The following STX16 variants were observed in gnomAD, a reference collection of about 807,000 sequenced individuals.
STX16 encodes syntaxin 16, also known as syntaxin-16.
Under a neutral mutation model 42.7 loss-of-function variants are expected in STX16, and 28 were observed. That is an observed-to-expected ratio of 0.66 (90% CI 0.49 to 0.90). STX16 has a LOEUF of 0.90. STX16 is among the 40% of genes least tolerant of loss of function. The pLI, the probability that STX16 is intolerant of heterozygous loss-of-function variation, is 0.00. For synonymous variants in STX16, 156 were observed against 155.2 expected (o/e 1.00, Z -0.04); for missense variants, 361 against 420.9 (o/e 0.86, Z 1.24).
Position 58,666,491 on chromosome 20 carries a change from C to T in STX16, c.145-999C>T, listed in dbSNP as rs569120502. ...TTGCCCTGGCTGGAGTGCAATGGTA[C>T]GATCATGGCTCACTGCGACCTTCGC... On this transcript the variant is annotated intron_variant, in intron 2 of 8. Transcript: ENST00000371141. 1.1e-4 allele frequency among the ~76,000 whole-genome samples: 16 copies of T among 144,940 alleles called. 1 individual carries two copies. The South Asian group carries it at 2.2e-3, about 20-fold the overall frequency.
rs2084183554 is a variant in STX16, at chr20:58,678,255, G to C, written c.*1964G>C. ...CCTGAAGGAAAGTGACCCTTTAAGA[G>C]AGGATCATCTTTTTTTATATTTATT... is the stretch of plus-strand genomic sequence containing the variant. On this transcript the variant is annotated 3_prime_UTR_variant, in exon 9 of 9. Transcript: ENST00000371141. The C allele has an allele frequency of 6.6e-6, 1 of 152,222 alleles. No homozygotes were observed. Among genetic ancestry groups the C allele is most frequent in the Non-Finnish European group, 1.5e-5 (1 of 68,042 alleles). 9.4% of individuals were successfully genotyped at this position (152,222 alleles called of 1,614,324 possible).
chr20:58,655,333 A>T (rs888893897), intron 1 of STX16, among the ~76,000 whole-genome samples: 2 of 152,166 alleles, frequency 1.3e-5, no homozygotes, highest in Non-Finnish European at 2.9e-5. Context: ...AAATTTAAAC[A>T]TGCATTTTTT....
chr20:58,670,949 A>G (rs2083955083), intron 6 of STX16, among the ~76,000 whole-genome samples: 1 of 152,234 alleles, frequency 6.6e-6, no homozygotes, highest in African/African-American at 2.4e-5. Context: ...CTATGGCCTC[A>G]GAGCTTTAGA....
At chr20:58,653,675 A>T (rs972387837) in intron 1 of STX16, among the ~76,000 whole-genome samples, 1 of 152,244 alleles carries the variant, frequency 6.6e-6, no homozygotes, top group African/African-American at 2.4e-5. Context: ...ATGGAACTTC[A>T]GTAATGTTAA....
At chr20:58,671,426 A>ATG (rs1367832614) in intron 7 of STX16, 129 bp downstream of exon 7, 14 of 476,890 alleles carry the variant, frequency 2.9e-5, no homozygotes, top group East Asian at 2.4e-4. Context: ...CCTGTCCTTT[A>ATG]TGTGTGTGTG....
chr20:58,651,396 GA>G lies in STX16; in HGVS notation c.-608del. Reference sequence around the variant, plus strand: ...GGCAGTGGAGGACCAGGCCGTCCAGGAAAGGAAGGGGTCAGGAGGTCGGGCA... The same window carrying G: ...GGCAGTGGAGGACCAGGCCGTCCAGGAAGGAAGGGGTCAGGAGGTCGGGCA... On this transcript the variant is annotated 5_prime_UTR_variant, in exon 1 of 9. Transcript: ENST00000371141. The G allele has an allele frequency of 6.5e-6, 1 of 153,334 alleles. No homozygotes were observed. The highest frequency in any genetic ancestry group is 1.5e-5 in the Non-Finnish European group (1 of 68,748). 9.5% of individuals were successfully genotyped at this position (153,334 alleles called of 1,614,324 possible).
rs969179380 is a variant in STX16, at chr20:58,677,420, A to C, written c.*1129A>C. The C allele has an allele frequency of 2.6e-5, 4 of 152,610 alleles. No individual in the cohort carries two copies. The highest frequency in any genetic ancestry group is 9.6e-5 in the African/African-American group (4 of 41,458). The allele number at this position is 152,610 out of a possible 1,614,324, so 9.5% of individuals were successfully genotyped here. A position where few individuals can be genotyped will look rare whatever the true frequency, so the allele number is the denominator to read the frequency against. ...ATTGCCAAGGACTGGGGGCATCTTGACTAGGAAGCTCCTCGTTTGTGTGAG... is the reference window on the plus strand; with the variant it reads ...ATTGCCAAGGACTGGGGGCATCTTGCCTAGGAAGCTCCTCGTTTGTGTGAG... On this transcript the variant is annotated 3_prime_UTR_variant, in exon 9 of 9. Coordinates refer to ENST00000371141, the MANE Select transcript of STX16 (RefSeq NM_001001433.3).
intron 2 of STX16, among the ~76,000 whole-genome samples, chr20:58,662,258 C>G (rs916309756): frequency 9.2e-5 from 14 of 152,174 alleles, no homozygotes; most frequent in Non-Finnish European, 1.5e-4. Flanking sequence ...TGGGCCGGGC[C>G]CCAGTGTCCA....
At chr20:58,652,432 TA>T in intron 1 of STX16, 1 of 457,938 alleles carries the variant, frequency 2.2e-6, no homozygotes, top group Non-Finnish European at 4.0e-6. Context: ...GTAATTTACA[TA>T]TGTTTTAACG....
intron 1 of STX16, among the ~76,000 whole-genome samples, chr20:58,658,995 C>A (rs2083639024): frequency 6.6e-6 from 1 of 152,176 alleles, no homozygotes; most frequent in Non-Finnish European, 1.5e-5. Context: ...GTGTCTCTCT[C>A]CGGGAAAGAG....
chr20:58,661,199 G>T (rs2083690957), intron 2 of STX16, among the ~76,000 whole-genome samples: 1 of 152,184 alleles, frequency 6.6e-6, no homozygotes, highest in Non-Finnish European at 1.5e-5. Context: ...ACAAATTATG[G>T]AACCACTTAG....
rs1185067000 is a variant in STX16 at position 58,679,481 on chromosome 20, A to G, written c.*3190A>G. On this transcript the variant is annotated 3_prime_UTR_variant, in exon 9 of 9. Transcript: ENST00000371141. Reference sequence around the variant, plus strand: ...TGGAAACTTTTTGTACAATAAAGCAATCACGCAGATTAAAGAACATCCTGC... The same window carrying G: ...TGGAAACTTTTTGTACAATAAAGCAGTCACGCAGATTAAAGAACATCCTGC... The G allele has an allele frequency of 6.6e-6, 1 of 152,638 alleles. No individual in the cohort carries two copies. Among genetic ancestry groups the G allele is most frequent in the Non-Finnish European group, 1.5e-5 (1 of 68,026 alleles). The allele number at this position is 152,638 out of a possible 1,614,324, so 9.5% of individuals were successfully genotyped here.
At position 58,651,810 on chromosome 20, in the gene STX16, G is replaced by A. The variant is rs1006522264; in HGVS notation, c.-197G>A. 24 of 580,416 alleles carry A rather than the reference G, an allele frequency of 4.1e-5. No homozygotes were observed. The South Asian group carries it at 4.2e-4, about 10-fold the overall frequency. 36.0% of individuals were successfully genotyped at this position (580,416 alleles called of 1,614,324 possible). On this transcript the variant is annotated 5_prime_UTR_variant, in exon 1 of 9. Coordinates refer to ENST00000371141, the MANE Select transcript of STX16 (RefSeq NM_001001433.3). ...GTAGGGGGAGTCAGACAATTGGAAAGCCTAGGTAGTTATTTGGGGAGGGGT... is the reference window on the plus strand; with the variant it reads ...GTAGGGGGAGTCAGACAATTGGAAAACCTAGGTAGTTATTTGGGGAGGGGT...
At chr20:58,652,385 AC>A (rs1325078409) in intron 1 of STX16, 9 of 374,178 alleles carry the variant, frequency 2.4e-5, no homozygotes, top group African/African-American at 4.4e-5. Flanking sequence ...CCCCCCCCGC[AC>A]CCCCCGCCTT....
At chr20:58,666,824 G>A (rs1295066954) in intron 2 of STX16, among the ~76,000 whole-genome samples, 2 of 152,228 alleles carry the variant, frequency 1.3e-5, no homozygotes, top group African/African-American at 4.8e-5. Context: ...AAGGGGAAAT[G>A]TTCCCTGTGG....
At position 58,673,838 on chromosome 20, in the gene STX16, T is replaced by G. The variant is rs958517224; in HGVS notation, c.873+127T>G. ...GTGTTGTCCACTCTCAATACAGTAG[T>G]GTAAAAAGGGATTCATCATTTCATT... is the stretch of plus-strand genomic sequence containing the variant. On this transcript the variant is annotated intron_variant, in intron 8 of 8. Coordinates refer to ENST00000371141, the MANE Select transcript of STX16 (RefSeq NM_001001433.3). 8 of 623,040 alleles carry G rather than the reference T, an allele frequency of 1.3e-5. No individual in the cohort carries two copies. In the Admixed American group the frequency reaches 2.3e-4, roughly 18 times the overall value. 38.6% of individuals were successfully genotyped at this position (623,040 alleles called of 1,614,324 possible). A position where few individuals can be genotyped will look rare whatever the true frequency, so the allele number is the denominator to read the frequency against.
chr20:58,667,120 A>G, intron 2 of STX16: 1 of 309,666 alleles, frequency 3.2e-6, no homozygotes, highest in Non-Finnish European at 6.3e-6. Context: ...ATTGAGGTTC[A>G]TGCCGTTCTA....
chr20:58,664,842 T>TA (rs761797180), intron 2 of STX16, among the ~76,000 whole-genome samples: 6 of 152,240 alleles, frequency 3.9e-5, no homozygotes, highest in Non-Finnish European at 7.3e-5. Flanking sequence ...TTAAAAACTC[T>TA]AAAATCACTA....
intron 1 of STX16, among the ~76,000 whole-genome samples, chr20:58,656,070 C>T (rs906773878): frequency 1.3e-5 from 2 of 152,194 alleles, no homozygotes; most frequent in Non-Finnish European, 2.9e-5. Context: ...GAATTGAGGC[C>T]TAAGTCCTGT....
Sources: gnomAD v4.1 joint callset for allele counts (sites outside exome capture counted in the v4.1 genomes callset) on GRCh38, gnomAD v4.1.1 for gene constraint, MANE v1.5 for transcripts, NCBI Gene and HGNC (gene_info 2026-07-23, HGNC 2026-07-21) for gene names.